IL10: variants seen among roughly 807,000 people sequenced by gnomAD.
IL10 encodes the protein interleukin-10.
IL10 carries 7 observed loss-of-function variants against 21.0 expected under a neutral mutation model. The observed-to-expected ratio is 0.33, with a 90% confidence interval of 0.19 to 0.63. The LOEUF (loss-of-function observed/expected upper bound fraction) is 0.63. Ranked by LOEUF, IL10 falls within the 20% of genes least tolerant of loss-of-function variation. IL10 has a pLI of 0.77. For missense variants in IL10, 161 were observed against 213.0 expected (o/e 0.76, Z 1.52); for synonymous variants, 83 against 79.7 (o/e 1.04, Z -0.22).
At position 206,768,012 on chromosome 1, in the gene IL10, G is replaced by T. The variant is rs1674719883; in HGVS notation, c.*624C>A. On this transcript the variant is annotated 3_prime_UTR_variant, in exon 5 of 5. Transcript: ENST00000423557. ...CCCAAAGTGCTGGGATTACAGGCGT[G>T]AGCCACCGCGCCCGGCCTAGAACCA... 1 of 179,090 alleles carries T rather than the reference G, an allele frequency of 5.6e-6. No individual in the cohort carries two copies. Among genetic ancestry groups the T allele is most frequent in the African/African-American group, 2.4e-5 (1 of 42,318 alleles). The allele number at this position is 179,090 out of a possible 1,614,324, so 11.1% of individuals were successfully genotyped here. A position where few individuals can be genotyped will look rare whatever the true frequency, so the allele number is the denominator to read the frequency against.
intron 4 of IL10, among the ~76,000 whole-genome samples, chr1:206,769,443 A>T (rs1006284839): frequency 6.6e-6 from 1 of 152,186 alleles, no homozygotes; most frequent in African/African-American, 2.4e-5. Context: ...GTGTATTTGT[A>T]TGTGCACATT....
intron 1 of IL10, 39 bp downstream of exon 1, chr1:206,772,232 C>A (rs772598790): frequency 6.3e-7 from 1 of 1,588,964 alleles, no homozygotes; most frequent in Non-Finnish European, 8.6e-7. Flanking sequence ...TTCAGGCAGT[C>A]CCAGGAAGAG....
intron 4 of IL10, chr1:206,769,574 G>C: frequency 1.7e-6 from 1 of 574,158 alleles, no homozygotes. Flanking sequence ...CAGGCTGGCC[G>C]GCCAGCCTAA....
chr1:206,770,883 G>A (rs756542399), intron 3 of IL10, 24 bp downstream of exon 3: 1 of 1,612,966 alleles, frequency 6.2e-7, no homozygotes, highest in South Asian at 1.1e-5. Flanking sequence ...CAGCTGCAAG[G>A]GAAAAAACTG....
intron 2 of IL10, 64 bp from the exon 3 acceptor site, chr1:206,771,123 C>A: frequency 6.4e-7 from 1 of 1,551,308 alleles, no homozygotes; most frequent in East Asian, 2.2e-5. Context: ...GGGGCTGCTG[C>A]AACTAGCTTA....
chr1:206,768,430 T>C lies in IL10; in HGVS notation c.*206A>G. 2 of 548,616 alleles carry C rather than the reference T, an allele frequency of 3.6e-6. No individual in the cohort carries two copies. The highest frequency in any genetic ancestry group is 2.3e-5 in the South Asian group (1 of 43,214). The allele number at this position is 548,616 out of a possible 1,614,324, so 34.0% of individuals were successfully genotyped here. ...TAATAAATATTGAAAAAAATTATAA[T>C]ATTGGGCTTCTTTCTAAATCGTTCA... On this transcript the variant is annotated 3_prime_UTR_variant, in exon 5 of 5. Transcript: ENST00000423557.
rs116095092 is a variant in IL10, at chr1:206,768,830, G to A, written c.445-102C>T. 647 of 755,840 alleles carry A rather than the reference G, an allele frequency of 8.6e-4. 2 individuals are homozygous for A. Among genetic ancestry groups the A allele is most frequent in the Middle Eastern group, 2.7e-3 (12 of 4,374 alleles). The allele number at this position is 755,840 out of a possible 1,614,324, so 46.8% of individuals were successfully genotyped here. A position where few individuals can be genotyped will look rare whatever the true frequency, so the allele number is the denominator to read the frequency against. ...GATGGGCATGACCTTGAGTGCAGAG[G>A]TTGCTTGTTCTCCCTCACGCTGGGA... On this transcript the variant is annotated intron_variant, in intron 4 of 4. Transcript: ENST00000423557.
chr1:206,770,942 T>A lies in IL10; in HGVS notation c.343A>T (p.Asn115Tyr), dbSNP rs150423829. ...AGCCTCAGCCTGAGGGTCTTCAGGT[T>A]CTCCCCCAGGGAGTTCACATGCGCC... is the stretch of plus-strand genomic sequence containing the variant. ...IKAHVNSLGE[N>Y]LKTLRLRLRR... The change falls in exon 3 of 5, where the codon AAC (asparagine) becomes TAC (tyrosine). Residue 115 changes from asparagine to tyrosine, a missense_variant. Asn to Tyr is a moderately radical substitution (Grantham distance 143). Transcript: ENST00000423557. The A allele has an allele frequency of 8.7e-6, 14 of 1,613,982 alleles. No individual in the cohort carries two copies. In the African/African-American group the frequency reaches 1.7e-4, roughly 20 times the overall value.
intron 2 of IL10, 36 bp from the exon 3 acceptor site, chr1:206,771,095 C>A (rs569399482): frequency 2.5e-6 from 4 of 1,612,476 alleles, no homozygotes; most frequent in Admixed American, 1.7e-5. Flanking sequence ...GAGAGATTGG[C>A]GGAGGTGGCT....
At chr1:206,771,173 G>C in intron 2 of IL10, 114 bp from the exon 3 acceptor site, 1 of 1,307,832 alleles carries the variant, frequency 7.6e-7, no homozygotes, top group Non-Finnish European at 1.1e-6. Context: ...TTCACCAGAA[G>C]CCTCCCCGAA....
chr1:206,769,634 C>A, intron 4 of IL10, 195 bp downstream of exon 4: 1 of 649,452 alleles, frequency 1.5e-6, no homozygotes, highest in South Asian at 1.8e-5. Flanking sequence ...CCCCCAAAGA[C>A]ACTTAACAGA....
At chr1:206,770,249 C>G (rs1674785275) in intron 3 of IL10, 11 of 389,254 alleles carry the variant, frequency 2.8e-5, no homozygotes, top group South Asian at 2.4e-4. Flanking sequence ...AGGAACACTT[C>G]TAAGCATCTG....
At chr1:206,770,302 C>A in intron 3 of IL10, 1 of 339,036 alleles carries the variant, frequency 2.9e-6, no homozygotes, top group Non-Finnish European at 5.8e-6. Context: ...ATAGCCTTGT[C>A]CTACAAATAG....
chr1:206,769,332 C>T (rs745585022), intron 4 of IL10, among the ~76,000 whole-genome samples: 6 of 152,244 alleles, frequency 3.9e-5, no homozygotes, highest in South Asian at 2.1e-4. Context: ...TCCGCAGGTG[C>T]GAAGGGCAGA....
At chr1:206,768,757 T>C in intron 4 of IL10, 29 bp from the exon 5 acceptor site, 1 of 1,409,372 alleles carries the variant, frequency 7.1e-7, no homozygotes, top group African/African-American at 1.4e-5. Context: ...AACATACAGT[T>C]AAAATCCTTT....
rs937619899 is a variant in IL10, at chr1:206,771,142, G to A, written c.226-83C>T. On this transcript the variant is annotated intron_variant, in intron 2 of 4. Coordinates refer to ENST00000423557, the MANE Select transcript of IL10 (RefSeq NM_000572.3). ...CTGCTGCAACTAGCTTAAGAGGACA[G>A]CTTGGTTCTAGCGATCCTCCTTCAC... The A allele has an allele frequency of 2.7e-6, 4 of 1,479,160 alleles. No individual in the cohort carries two copies. In the African/African-American group the frequency reaches 5.5e-5, roughly 20 times the overall value. The allele number at this position is 1,479,160 out of a possible 1,614,324, so 91.6% of individuals were successfully genotyped here.
chr1:206,772,267 T>G lies in IL10; in HGVS notation c.165+4A>C, dbSNP rs778676952. 1.2e-5 allele frequency: 19 copies of G among 1,613,362 alleles called. No homozygotes were observed. The South Asian group carries it at 2.0e-4, about 17-fold the overall frequency. ...GAGAAAGGACAGGAAGGAATCATACTCACAAAGAAAGTCTTCACTCTGCTG... is the reference window on the plus strand; with the variant it reads ...GAGAAAGGACAGGAAGGAATCATACGCACAAAGAAAGTCTTCACTCTGCTG... On this transcript the variant is annotated splice_donor_region_variant and intron_variant, in intron 1 of 4. Coordinates refer to ENST00000423557, the MANE Select transcript of IL10 (RefSeq NM_000572.3).
Position 206,768,546 on chromosome 1 carries a change from G to A in IL10, c.*90C>T. ...GAGAGGTACAATAAGGTTTCTCAAG[G>A]GGCTGGGTCAGCTATCCCAGAGCCC... On this transcript the variant is annotated 3_prime_UTR_variant, in exon 5 of 5. Transcript: ENST00000423557. The A allele has an allele frequency of 1.3e-6, 1 of 748,218 alleles. No individual in the cohort carries two copies. The highest frequency in any genetic ancestry group is 2.5e-5 in the East Asian group (1 of 39,818). 46.3% of individuals were successfully genotyped at this position (748,218 alleles called of 1,614,324 possible).
chr1:206,769,987 C>T, intron 3 of IL10, 93 bp from the exon 4 acceptor site: 1 of 956,886 alleles, frequency 1.0e-6, no homozygotes, highest in Non-Finnish European at 1.7e-6. Flanking sequence ...ATGAGGAGGC[C>T]AGATTTATCC....
Sources: gnomAD v4.1 joint callset for allele counts (sites outside exome capture counted in the v4.1 genomes callset) on GRCh38, gnomAD v4.1.1 for gene constraint, MANE v1.5 for transcripts, NCBI Gene and HGNC (gene_info 2026-07-23, HGNC 2026-07-21) for gene names.